ABCC1: variants seen among roughly 807,000 people sequenced by gnomAD.
The protein encoded by ABCC1 is ATP binding cassette subfamily C member 1 (ABCC1 blood group).
Under a neutral mutation model 172.9 loss-of-function variants are expected in ABCC1, and 83 were observed. The observed-to-expected ratio is 0.48, with a 90% CI of 0.40 to 0.58. The LOEUF is 0.58. Among genes scored for constraint, ABCC1 ranks in the 20% least tolerant of loss-of-function variants. ABCC1 has a pLI of 0.00. For synonymous variants in ABCC1, 937 were observed against 825.2 expected, an observed-to-expected ratio of 1.14 and a Z score of -2.32; for missense variants, 1,817 against 2,002.7, an observed-to-expected ratio of 0.91 and a Z score of 1.77.
intron 5 of ABCC1, among the ~76,000 whole-genome samples, chr16:16,020,777 C>T (rs2048168650): frequency 6.6e-6 from 1 of 152,190 alleles, no homozygotes; most frequent in South Asian, 2.1e-4. Context: ...TTGCGGTGTA[C>T]TGGCTAGCAC....
chr16:16,088,478 T>C (rs1353908472), intron 18 of ABCC1, among the ~76,000 whole-genome samples: 1 of 152,010 alleles, frequency 6.6e-6, no homozygotes, highest in East Asian at 1.9e-4. Flanking sequence ...AATAAAATAG[T>C]CCCTCTTCAT....
chr16:16,124,595 C>T (rs12934657), intron 24 of ABCC1, among the ~76,000 whole-genome samples, 194 bp from the exon 25 acceptor site: 3 of 152,176 alleles, frequency 2.0e-5, no homozygotes, highest in South Asian at 4.1e-4. Flanking sequence ...TTACTGGCCT[C>T]GTGCCTTCGG....
At chr16:16,113,977 C>T (rs943540056) in intron 22 of ABCC1, among the ~76,000 whole-genome samples, 4 of 152,174 alleles carry the variant, frequency 2.6e-5, no homozygotes, top group East Asian at 1.9e-4. Flanking sequence ...AGAGCTCAGG[C>T]GCTGATGCTC....
At chr16:16,116,589 G>A (rs1163934144) in intron 23 of ABCC1, among the ~76,000 whole-genome samples, 1 of 151,750 alleles carries the variant, frequency 6.6e-6, no homozygotes, top group African/African-American at 2.4e-5. Context: ...TTGAGACAGA[G>A]TTTAGCTGTG....
intron 1 of ABCC1, among the ~76,000 whole-genome samples, chr16:15,990,575 C>A (rs1380693568): frequency 2.6e-5 from 4 of 152,152 alleles, no homozygotes; most frequent in Middle Eastern, 6.8e-3. Flanking sequence ...TTGCAGTGTT[C>A]GTCTTCCTGT....
At chr16:16,103,131 C>G (rs1035721642) in intron 20 of ABCC1, among the ~76,000 whole-genome samples, 1 of 152,072 alleles carries the variant, frequency 6.6e-6, no homozygotes, top group African/African-American at 2.4e-5. Context: ...AGGAGGATCG[C>G]TTGAGGCCAG....
intron 12 of ABCC1, among the ~76,000 whole-genome samples, chr16:16,057,999 A>G (rs1167550266): frequency 6.6e-6 from 1 of 152,030 alleles, no homozygotes; most frequent in Non-Finnish European, 1.5e-5. Context: ...CCCTGCTGGA[A>G]TTACCCTTTC....
intron 20 of ABCC1, among the ~76,000 whole-genome samples, chr16:16,103,650 T>C (rs1310409746): frequency 3.3e-5 from 5 of 152,180 alleles, no homozygotes; most frequent in South Asian, 2.1e-4. Context: ...ATTGACAAAG[T>C]CGGAGCCTAA....
chr16:16,129,293 A>G (rs755059635), intron 26 of ABCC1, among the ~76,000 whole-genome samples: 3 of 152,126 alleles, frequency 2.0e-5, no homozygotes, highest in African/African-American at 4.8e-5. Flanking sequence ...AGATGAGATC[A>G]TGGGTCTCAA....
chr16:15,952,981 G>A (rs1015950218), intron 1 of ABCC1, among the ~76,000 whole-genome samples: 1 of 151,652 alleles, frequency 6.6e-6, no homozygotes, highest in Non-Finnish European at 1.5e-5. Context: ...GGTGGAGGTT[G>A]CAATGAGCTG....
At chr16:16,023,199 C>A (rs1237572021) in intron 5 of ABCC1, among the ~76,000 whole-genome samples, 1 of 152,206 alleles carries the variant, frequency 6.6e-6, no homozygotes, top group Non-Finnish European at 1.5e-5. Context: ...CAGGCCTGAG[C>A]CACTGAACCT....
At chr16:16,028,059 T>C (rs1196060191) in intron 5 of ABCC1, among the ~76,000 whole-genome samples, 3 of 152,148 alleles carry the variant, frequency 2.0e-5, no homozygotes, top group Non-Finnish European at 4.4e-5. Flanking sequence ...AGCCCCGTGC[T>C]ATGCACTGCT....
At chr16:16,120,527 C>T (rs1056092709) in intron 23 of ABCC1, among the ~76,000 whole-genome samples, 35 of 152,170 alleles carry the variant, frequency 2.3e-4, no homozygotes, top group East Asian at 9.7e-4. Flanking sequence ...CATCTGCCCG[C>T]GAGGGTGGGT....
At chr16:16,123,414 C>T (rs1232249997) in intron 24 of ABCC1, among the ~76,000 whole-genome samples, 13 of 152,072 alleles carry the variant, frequency 8.5e-5, no homozygotes, top group Admixed American at 8.5e-4. Flanking sequence ...GTGGGTGGAT[C>T]ACCTGAGGTC....
At chr16:16,081,749 G>T (rs1315524481) in intron 16 of ABCC1, among the ~76,000 whole-genome samples, 1 of 152,168 alleles carries the variant, frequency 6.6e-6, no homozygotes, top group Non-Finnish European at 1.5e-5. Flanking sequence ...GCTGGGCGCG[G>T]TGGCTCACAT....
chr16:16,007,857 C>T lies in ABCC1; in HGVS notation c.90C>T (p.Thr30=), dbSNP rs1440249186. 1.2e-6 allele frequency: 2 copies of T among 1,613,290 alleles called. No homozygotes were observed. The highest frequency in any genetic ancestry group is 8.5e-7 in the Non-Finnish European group (1 of 1,179,770). ...VTWNTSNPDF[T]KCFQNTVLVW... is the part of the protein sequence containing the mutation. ...GGAATACCAGCAACCCCGACTTCAC[C>T]AAGTGCTTTCAGAACACGGTCCTCG... is the stretch of plus-strand genomic sequence containing the variant. Residue 30 remains threonine, a synonymous_variant, in exon 2 of 31, where the codon ACC becomes ACT. Coordinates refer to ENST00000399410, the MANE Select transcript of ABCC1 (RefSeq NM_004996.4).
rs2049632671 is a variant in ABCC1 at position 16,055,965 on chromosome 16, A to G, written c.1474-127A>G. 3 of 854,848 alleles carry G rather than the reference A, an allele frequency of 3.5e-6. No individual in the cohort carries two copies. The South Asian group carries it at 5.6e-5, about 16-fold the overall frequency. The allele number at this position is 854,848 out of a possible 1,614,324, so 53.0% of individuals were successfully genotyped here. On this transcript the variant is annotated intron_variant, in intron 11 of 30. Coordinates refer to ENST00000399410, the MANE Select transcript of ABCC1 (RefSeq NM_004996.4). Reference sequence around the variant, plus strand: ...ATCTCTATTGAAAAGAAAAAAAAAAATCAATATAAAAAACATTTACATGTC... The same window carrying G: ...ATCTCTATTGAAAAGAAAAAAAAAAGTCAATATAAAAAACATTTACATGTC...
At chr16:16,058,448 A>G (rs2049764705) in intron 12 of ABCC1, among the ~76,000 whole-genome samples, 1 of 152,240 alleles carries the variant, frequency 6.6e-6, no homozygotes. Context: ...CTGTTAAACT[A>G]CCATCTGCTT....
At chr16:16,134,614 A>T in intron 28 of ABCC1, 106 bp downstream of exon 28, 7 of 879,444 alleles carry the variant, frequency 8.0e-6, no homozygotes, top group Admixed American at 3.3e-5. Context: ...ATTTGGCCCT[A>T]CTTCATCGTT....
Sources: gnomAD v4.1 joint callset for allele counts (sites outside exome capture counted in the v4.1 genomes callset) on GRCh38, gnomAD v4.1.1 for gene constraint, MANE v1.5 for transcripts, NCBI Gene and HGNC (gene_info 2026-07-23, HGNC 2026-07-21) for gene names.